RNF220: variants seen among roughly 807,000 people sequenced by gnomAD.
The protein encoded by RNF220 is E3 ubiquitin-protein ligase RNF220.
Under a neutral mutation model 67.1 loss-of-function variants are expected in RNF220, and 7 were observed. That is an observed-to-expected ratio of 0.10 (90% CI 0.06 to 0.20). The LOEUF (loss-of-function observed/expected upper bound fraction) is 0.20. RNF220 is among the 10% of genes least tolerant of loss of function. The pLI, the probability that RNF220 is intolerant of heterozygous loss-of-function variation, is 1.00. For missense variants in RNF220, 565 were observed against 740.3 expected (o/e 0.76, Z 2.75); for synonymous variants, 270 against 283.2 (o/e 0.95, Z 0.47).
Position 44,645,368 on chromosome 1 carries a change from C to T in RNF220, c.1367-42C>T, listed in dbSNP as rs370838184. 1.9e-6 allele frequency: 3 copies of T among 1,613,396 alleles called. No homozygotes were observed. Among genetic ancestry groups the T allele is most frequent in the South Asian group, 1.1e-5 (1 of 91,056 alleles). ...CAAGCCCAACCCCTCACCTGTGCTG[C>T]CCAGTCTGGCCGGAGTGTGAGTTGC... On this transcript the variant is annotated intron_variant, in intron 11 of 14. Coordinates refer to ENST00000361799, the MANE Select transcript of RNF220 (RefSeq NM_018150.4). This position sits in a 1 kb window ranked among gnomAD's most constrained non-coding sequence, Gnocchi z 5.0.
chr1:44,641,576 A>AG (rs915929544), intron 8 of RNF220, among the ~76,000 whole-genome samples: 1 of 152,034 alleles, frequency 6.6e-6, no homozygotes, highest in Admixed American at 6.6e-5. Flanking sequence ...TCCAAGCGGG[A>AG]GGGGGGGCAA....
In RNF220 at chr1:44,606,101, C is replaced by G. The variant is rs1382825781; in HGVS notation, c.626-8064C>G. Reference sequence around the variant, plus strand: ...AATGCAAACTGATTCATCATACATTCAAATCCGCTGCCCCGCCCCAGCGGG... The same window carrying G: ...AATGCAAACTGATTCATCATACATTGAAATCCGCTGCCCCGCCCCAGCGGG... On this transcript the variant is annotated intron_variant, in intron 2 of 14. Transcript: ENST00000361799. The surrounding 1 kb of genome is among the most constrained non-coding windows in gnomAD (Gnocchi z 4.2). Among the ~76,000 whole-genome samples the G allele has an allele frequency of 2.0e-5, 3 of 152,212 alleles. No individual in the cohort carries two copies. Among genetic ancestry groups the G allele is most frequent in the African/African-American group, 7.2e-5 (3 of 41,452 alleles).
chr1:44,647,843 G>A (rs572297295), intron 12 of RNF220, among the ~76,000 whole-genome samples: 4 of 152,126 alleles, frequency 2.6e-5, no homozygotes, highest in South Asian at 2.1e-4. Flanking sequence ...CAAAGTCCAC[G>A]TCCCTTATGA....
At chr1:44,637,446 C>G (rs919848967) in intron 8 of RNF220, among the ~76,000 whole-genome samples, 1 of 152,230 alleles carries the variant, frequency 6.6e-6, no homozygotes, top group Non-Finnish European at 1.5e-5. Flanking sequence ...GACGACTGTC[C>G]CATGAGTTGG....
intron 2 of RNF220, among the ~76,000 whole-genome samples, chr1:44,597,352 G>T (rs1054651473): frequency 2.6e-5 from 4 of 151,992 alleles, no homozygotes; most frequent in African/African-American, 9.7e-5. Flanking sequence ...CAAAAACTTT[G>T]GGGGGAAAAG....
intron 2 of RNF220, among the ~76,000 whole-genome samples, chr1:44,437,832 A>G (rs1448253882): frequency 1.3e-5 from 2 of 152,224 alleles, no homozygotes; most frequent in Admixed American, 6.5e-5. Flanking sequence ...GGAGACAGAC[A>G]GGCCTGGATT....
chr1:44,419,298 T>C (rs959899584), intron 2 of RNF220: 3 of 152,228 alleles, frequency 2.0e-5, no homozygotes, highest in African/African-American at 7.2e-5. Context: ...ATCTCTTTCT[T>C]TGCAGCAAGA....
chr1:44,553,005 T>C (rs1297995551), intron 2 of RNF220, among the ~76,000 whole-genome samples: 1 of 152,200 alleles, frequency 6.6e-6, no homozygotes, highest in African/African-American at 2.4e-5. Context: ...CCCAAGGCAC[T>C]GTGTTCCAGC....
At chr1:44,482,886 G>T (rs1324560587) in intron 2 of RNF220, among the ~76,000 whole-genome samples, 1 of 147,012 alleles carries the variant, frequency 6.8e-6, no homozygotes, top group Non-Finnish European at 1.5e-5. Flanking sequence ...CTTCCAAAGT[G>T]CTGGGATTGT....
intron 2 of RNF220, among the ~76,000 whole-genome samples, chr1:44,570,429 C>T (rs1321416051): frequency 5.9e-5 from 9 of 152,132 alleles, no homozygotes; most frequent in Admixed American, 3.3e-4. Context: ...TTCCATTTGG[C>T]GCTGAATGTC....
At chr1:44,467,913 T>C (rs970035941) in intron 2 of RNF220, among the ~76,000 whole-genome samples, 5 of 152,120 alleles carry the variant, frequency 3.3e-5, no homozygotes, top group African/African-American at 9.7e-5. Flanking sequence ...GGGTTATTAA[T>C]TGGCCTAATT....
intron 2 of RNF220, among the ~76,000 whole-genome samples, chr1:44,446,338 A>G (rs1652080594): frequency 6.6e-6 from 1 of 152,194 alleles, no homozygotes; most frequent in Admixed American, 6.5e-5. Context: ...AATCTGTTAT[A>G]TGGTATTGTC....
chr1:44,524,119 G>C (rs1240154527), intron 2 of RNF220, among the ~76,000 whole-genome samples: 2 of 151,988 alleles, frequency 1.3e-5, no homozygotes, highest in African/African-American at 4.8e-5. Flanking sequence ...GATGCTGGAG[G>C]GGGGCAAAGG....
chr1:44,647,200 GAGTT>G (rs1329108676), intron 12 of RNF220, among the ~76,000 whole-genome samples: 1 of 152,172 alleles, frequency 6.6e-6, no homozygotes, highest in African/African-American at 2.4e-5. Flanking sequence ...TGGGGTTTGG[GAGTT>G]AGTTCTCCAT....
At position 44,435,569 on chromosome 1, in the gene RNF220, A is replaced by G. The variant is rs943304009; in HGVS notation, c.625+22847A>G. Among the ~76,000 whole-genome samples the G allele has an allele frequency of 5.3e-5, 8 of 152,336 alleles. No individual in the cohort carries two copies. The South Asian group carries it at 1.7e-3, about 32-fold the overall frequency. Reference sequence around the variant, plus strand: ...AGAGGAACACTTGGGACCTTTTCACAGTTGAAACTCTGTCTCCTGAATCTA... The same window carrying G: ...AGAGGAACACTTGGGACCTTTTCACGGTTGAAACTCTGTCTCCTGAATCTA... On this transcript the variant is annotated intron_variant, in intron 2 of 14. Transcript: ENST00000361799.
At chr1:44,528,176 G>A (rs1660546195) in intron 2 of RNF220, among the ~76,000 whole-genome samples, 1 of 151,966 alleles carries the variant, frequency 6.6e-6, no homozygotes, top group Non-Finnish European at 1.5e-5. Flanking sequence ...TCAATAAAAA[G>A]CACTAATAGC....
intron 2 of RNF220, among the ~76,000 whole-genome samples, chr1:44,489,512 A>G (rs1323253946): frequency 1.3e-5 from 2 of 152,250 alleles, no homozygotes; most frequent in Admixed American, 1.3e-4. Context: ...GTGAATACAC[A>G]TTGAGTTCCC....
At chr1:44,597,954 C>T (rs1666642128) in intron 2 of RNF220, among the ~76,000 whole-genome samples, 1 of 118,268 alleles carries the variant, frequency 8.5e-6, no homozygotes, top group African/African-American at 4.1e-5. Flanking sequence ...CCTCACACCC[C>T]ACCCCACCCA....
intron 2 of RNF220, among the ~76,000 whole-genome samples, chr1:44,542,148 G>A (rs140182439): frequency 6.6e-6 from 1 of 152,316 alleles, no homozygotes; most frequent in East Asian, 1.9e-4. Context: ...AACAGAGGGG[G>A]TACCAGTGCA....
Sources: allele counts gnomAD v4.1 joint callset (sites outside exome capture counted in the v4.1 genomes callset), GRCh38; gene constraint gnomAD v4.1.1; non-coding constraint Gnocchi (gnomAD v3.1); transcripts MANE v1.5; gene names NCBI Gene and HGNC (gene_info 2026-07-23, HGNC 2026-07-21).